Variants in VWA1 observed in about 807,000 individuals in gnomAD.
VWA1 encodes the protein von Willebrand factor A domain containing 1, also known as von Willebrand factor A domain-containing protein 1.
Under a neutral mutation model 14.9 loss-of-function variants are expected in VWA1, and 12 were observed. The observed-to-expected ratio is 0.80, with a 90% CI of 0.52 to 1.30. The LOEUF (loss-of-function observed/expected upper bound fraction) is 1.30. Ranked by LOEUF, VWA1 falls within the 50% of genes most tolerant of loss-of-function variation. VWA1 has a pLI of 0.00. For missense variants in VWA1, 800 were observed against 649.1 expected, an observed-to-expected ratio of 1.23 and a Z score of -2.53; for synonymous variants, 368 against 310.7, an observed-to-expected ratio of 1.18 and a Z score of -1.94.
Position 1,440,588 on chromosome 1 carries a change from G to A in VWA1, c.*801G>A, listed in dbSNP as rs1010181165. The A allele has an allele frequency of 1.2e-5, 2 of 166,860 alleles. No individual in the cohort carries two copies. Among genetic ancestry groups the A allele is most frequent in the Non-Finnish European group, 2.9e-5 (2 of 68,124 alleles). 10.3% of individuals were successfully genotyped at this position (166,860 alleles called of 1,614,324 possible). ...TTCTTGCTGTGAGAGGTCTCACCCC[G>A]GGCTACCTCCTGTCACTACTCACTG... is the stretch of plus-strand genomic sequence containing the variant. On this transcript the variant is annotated 3_prime_UTR_variant, in exon 3 of 3. Coordinates refer to ENST00000476993, the MANE Select transcript of VWA1 (RefSeq NM_022834.5).
chr1:1,437,155 T>G lies in VWA1; in HGVS notation c.302T>G (p.Val101Gly), dbSNP rs751744261. ...TCGGGTGAGGCTGCCCAGGATGCGG[T>G]GCGTGCTTCTGCCCAGCGCATGGGT... ...HSSGEAAQDAVRASAQRMGDT... is the reference protein window; with the variant it reads ...HSSGEAAQDAGRASAQRMGDT... Residue 101 changes from valine (V) to glycine (G), a missense_variant, in exon 2 of 3, where the codon GTG becomes GGG. Physicochemically the swap from Val to Gly is moderately radical, Grantham distance 109. Coordinates refer to ENST00000476993, the MANE Select transcript of VWA1 (RefSeq NM_022834.5). 1.6e-5 allele frequency: 25 copies of G among 1,608,968 alleles called. No homozygotes were observed. Among genetic ancestry groups the G allele is most frequent in the Non-Finnish European group, 2.0e-5 (23 of 1,177,380 alleles).
rs866959686 is a variant in VWA1 at position 1,439,935 on chromosome 1, C to T, written c.*148C>T. On this transcript the variant is annotated 3_prime_UTR_variant, in exon 3 of 3. Coordinates refer to ENST00000476993, the MANE Select transcript of VWA1 (RefSeq NM_022834.5). ...CCGCGCGACCCCGGCCCTCTCCCTG[C>T]GGCCGCAGGGCTTCCCCGCCTGGCG... 2.2e-5 allele frequency: 21 copies of T among 942,318 alleles called. No homozygotes were observed. The Admixed American group carries it at 2.3e-4, about 11-fold the overall frequency. 58.4% of individuals were successfully genotyped at this position (942,318 alleles called of 1,614,324 possible).
Position 1,439,603 on chromosome 1 carries a change from G to A in VWA1, c.1154G>A (p.Arg385His), listed in dbSNP as rs1031886594. The A allele has an allele frequency of 3.1e-6, 4 of 1,300,570 alleles. No individual in the cohort carries two copies. The African/African-American group carries it at 4.8e-5, about 16-fold the overall frequency. The allele number at this position is 1,300,570 out of a possible 1,614,324, so 80.6% of individuals were successfully genotyped here. The stretch of plus-strand genomic sequence containing the variant: ...CAGCGGGTGGAGGTGCCCGCGGGCC[G>A]CAACTGCACCACGCTGCAGGGCCTG... Reference protein sequence around the residue: ...EAQRVEVPAGRNCTTLQGLAP... With the variant: ...EAQRVEVPAGHNCTTLQGLAP... Residue 385 changes from arginine (R) to histidine (H), a missense_variant, in exon 3 of 3, where the codon CGC becomes CAC. By Grantham distance (29) the Arg-to-His change is conservative. Transcript: ENST00000476993.
chr1:1,437,488 T>C lies in VWA1; in HGVS notation c.631+4T>C. 6.3e-7 allele frequency: 1 copy of C among 1,596,730 alleles called. No homozygotes were observed. The highest frequency in any genetic ancestry group is 8.6e-7 in the Non-Finnish European group (1 of 1,168,588). Reference sequence around the variant, plus strand: ...GAGCTGAGGGGCTCCATTCTCGGTATGCGGGAGGAGGCAGGGCCCAGGGAG... The same window carrying C: ...GAGCTGAGGGGCTCCATTCTCGGTACGCGGGAGGAGGCAGGGCCCAGGGAG... On this transcript the variant is annotated splice_donor_region_variant and intron_variant, in intron 2 of 2. Transcript: ENST00000476993.
Position 1,441,112 on chromosome 1 carries a change from C to T in VWA1, c.*1325C>T, listed in dbSNP as rs1296888607. On this transcript the variant is annotated 3_prime_UTR_variant, in exon 3 of 3. Coordinates refer to ENST00000476993, the MANE Select transcript of VWA1 (RefSeq NM_022834.5). ...GCCACACCCTGCACCGCATGGGGTC[C>T]ACTGCCCCTTTCCCCACGTGGACTC... is the stretch of plus-strand genomic sequence containing the variant. 1.3e-5 allele frequency: 2 copies of T among 152,262 alleles called. No individual in the cohort carries two copies. The highest frequency in any genetic ancestry group is 4.8e-5 in the African/African-American group (2 of 41,440). The allele number at this position is 152,262 out of a possible 1,614,324, so 9.4% of individuals were successfully genotyped here. A position where few individuals can be genotyped will look rare whatever the true frequency, so the allele number is the denominator to read the frequency against.
chr1:1,440,464 C>G lies in VWA1; in HGVS notation c.*677C>G, dbSNP rs971888568. 6.0e-6 allele frequency: 1 copy of G among 167,012 alleles called. No homozygotes were observed. The highest frequency in any genetic ancestry group is 2.4e-5 in the African/African-American group (1 of 41,558). The allele number at this position is 167,012 out of a possible 1,614,324, so 10.3% of individuals were successfully genotyped here. ...ACCCGCCCACCGCCACTATCAGGCC[C>G]CGGGACCGCACTGACAGGAAACCTT... On this transcript the variant is annotated 3_prime_UTR_variant, in exon 3 of 3. Transcript: ENST00000476993.
Position 1,439,613 on chromosome 1 carries a change from C to T in VWA1, c.1164C>T (p.Thr388=). 1 of 1,307,762 alleles carries T rather than the reference C, an allele frequency of 7.6e-7. No homozygotes were observed. Among genetic ancestry groups the T allele is most frequent in the South Asian group, 1.6e-5 (1 of 61,204 alleles). The allele number at this position is 1,307,762 out of a possible 1,614,324, so 81.0% of individuals were successfully genotyped here. A position where few individuals can be genotyped will look rare whatever the true frequency, so the allele number is the denominator to read the frequency against. ...RVEVPAGRNC[T]TLQGLAPGTA... Reference sequence around the variant, plus strand: ...AGGTGCCCGCGGGCCGCAACTGCACCACGCTGCAGGGCCTGGCGCCGGGCA... The same window carrying T: ...AGGTGCCCGCGGGCCGCAACTGCACTACGCTGCAGGGCCTGGCGCCGGGCA... The change falls in exon 3 of 3, where the codon ACC becomes ACT. Residue 388 remains threonine (T), a synonymous_variant. Transcript: ENST00000476993.
Position 1,437,338 on chromosome 1 carries a change from G to C in VWA1, c.485G>C (p.Gly162Ala). Residue 162 changes from glycine to alanine, a missense_variant, in exon 2 of 3, where the codon GGC (glycine) becomes GCC (alanine). By Grantham distance (60) the Gly-to-Ala change is moderately conservative. Transcript: ENST00000476993. ...CCCATGCAGGAGCTCAAGGACCTGG[G>C]CGTCACCGTGTTCATTGTCAGCACC... ...GPPMQELKDL[G>A]VTVFIVSTGR... The C allele has an allele frequency of 6.2e-7, 1 of 1,612,482 alleles. No individual in the cohort carries two copies. The highest frequency in any genetic ancestry group is 8.5e-7 in the Non-Finnish European group (1 of 1,179,866).
At chr1:1,438,608 G>C (rs903213628) in intron 2 of VWA1, among the ~76,000 whole-genome samples, 1 of 152,148 alleles carries the variant, frequency 6.6e-6, no homozygotes, top group African/African-American at 2.4e-5. Flanking sequence ...TGGGGACCCA[G>C]GGCAGGCAGC....
At position 1,435,809 on chromosome 1, in the gene VWA1, G is replaced by A; in HGVS notation, c.61G>A (p.Gly21Ser). Residue 21 changes from glycine (G) to serine (S), a missense_variant, in exon 1 of 3, where the codon GGC (glycine) becomes AGC (serine). By Grantham distance (56) the Gly-to-Ser change is moderately conservative (BLOSUM62 0). Coordinates refer to ENST00000476993, the MANE Select transcript of VWA1 (RefSeq NM_022834.5). Reference protein sequence around the residue: ...LSLRLALARSGAERGPPASAP... With the variant: ...LSLRLALARSSAERGPPASAP... ...CTTGCGGCTGGCGCTGGCGCGGAGC[G>A]GCGCGGAGCGCGGTGAGTGCGGCGG... 5.1e-6 allele frequency: 6 copies of A among 1,186,090 alleles called. No homozygotes were observed. The highest frequency in any genetic ancestry group is 6.3e-6 in the Non-Finnish European group (6 of 958,574). 73.5% of individuals were successfully genotyped at this position (1,186,090 alleles called of 1,614,324 possible). A position where few individuals can be genotyped will look rare whatever the true frequency, so the allele number is the denominator to read the frequency against.
chr1:1,439,155 C>T lies in VWA1; in HGVS notation c.706C>T (p.Leu236=). 1 of 1,603,288 alleles carries T rather than the reference C, an allele frequency of 6.2e-7. No homozygotes were observed. Residue 236 remains leucine, a synonymous_variant, in exon 3 of 3, where the codon CTG becomes TTG. Coordinates refer to ENST00000476993, the MANE Select transcript of VWA1 (RefSeq NM_022834.5). ...CTTCCGCCTGGCCTGGCCACCCCTGCTGACCGCAGACTCGGGCTACTATGT... is the reference window on the plus strand; with the variant it reads ...CTTCCGCCTGGCCTGGCCACCCCTGTTGACCGCAGACTCGGGCTACTATGT... ...SGFRLAWPPL[L]TADSGYYVLE...
In VWA1 at chr1:1,437,367, C is replaced by G. The variant is rs749945726; in HGVS notation, c.514C>G (p.Arg172Gly). The G allele has an allele frequency of 2.5e-6, 4 of 1,612,642 alleles. No individual in the cohort carries two copies. The highest frequency in any genetic ancestry group is 8.5e-7 in the Non-Finnish European group (1 of 1,179,994). The change falls in exon 2 of 3, where the codon CGA becomes GGA. Residue 172 changes from arginine (R) to glycine (G), a missense_variant. Transcript: ENST00000476993. ...CACCGTGTTCATTGTCAGCACCGGC[C>G]GAGGCAACTTCCTGGAGCTGTCAGC... ...GVTVFIVSTGRGNFLELSAAA... is the reference protein window; with the variant it reads ...GVTVFIVSTGGGNFLELSAAA...
chr1:1,437,641 G>C (rs1170919772), intron 2 of VWA1, among the ~76,000 whole-genome samples, 157 bp downstream of exon 2: 1 of 152,184 alleles, frequency 6.6e-6, no homozygotes, highest in Non-Finnish European at 1.5e-5. Flanking sequence ...GATGCAGCTT[G>C]TCTATGCACA....
chr1:1,439,624 G>C lies in VWA1; in HGVS notation c.1175G>C (p.Gly392Ala). The C allele has an allele frequency of 7.6e-7, 1 of 1,312,972 alleles. No individual in the cohort carries two copies. Among genetic ancestry groups the C allele is most frequent in the Non-Finnish European group, 9.7e-7 (1 of 1,028,174 alleles). The allele number at this position is 1,312,972 out of a possible 1,614,324, so 81.3% of individuals were successfully genotyped here. The change falls in exon 3 of 3, where the codon GGC becomes GCC. Residue 392 changes from glycine to alanine, a missense_variant. Transcript: ENST00000476993. The stretch of plus-strand genomic sequence containing the variant: ...GGCCGCAACTGCACCACGCTGCAGG[G>C]CCTGGCGCCGGGCACCGCCTACCTG... ...PAGRNCTTLQGLAPGTAYLVT... is the reference protein window; with the variant it reads ...PAGRNCTTLQALAPGTAYLVT...
rs1357073012 is a variant in VWA1, at chr1:1,439,295, G to A, written c.846G>A (p.Ala282=). The change falls in exon 3 of 3, where the codon GCG becomes GCA. Residue 282 remains alanine, a synonymous_variant. Transcript: ENST00000476993. ...ACCCGGACACGGACTACGACGTGGC[G>A]CTAGTGCCTGAGTCCAACGTGCGCC... The part of the protein sequence containing the change: ...GLDPDTDYDV[A]LVPESNVRLL... The A allele has an allele frequency of 6.3e-7, 1 of 1,598,524 alleles. No homozygotes were observed. Among genetic ancestry groups the A allele is most frequent in the East Asian group, 2.3e-5 (1 of 44,364 alleles).
rs1483794991 is a variant in VWA1 at position 1,442,310 on chromosome 1, C to A, written c.*2523C>A. 1 of 152,298 alleles carries A rather than the reference C, an allele frequency of 6.6e-6. No homozygotes were observed. Among genetic ancestry groups the A allele is most frequent in the Non-Finnish European group, 1.5e-5 (1 of 68,086 alleles). The allele number at this position is 152,298 out of a possible 1,614,324, so 9.4% of individuals were successfully genotyped here. A position where few individuals can be genotyped will look rare whatever the true frequency, so the allele number is the denominator to read the frequency against. ...CACAAGGCCACTGCACGCTTTTCGA[C>A]ATGCACCTGGAAATCGGGAAGGGCC... On this transcript the variant is annotated 3_prime_UTR_variant, in exon 3 of 3. Transcript: ENST00000476993.
chr1:1,439,856 G>A lies in VWA1; in HGVS notation c.*69G>A, dbSNP rs1638629200. On this transcript the variant is annotated 3_prime_UTR_variant, in exon 3 of 3. Transcript: ENST00000476993. ...GGCCCCTGTGTCCCGAACCCGGAGCGGAGGCGCCCAACCCGGCAGACGGGT... is the reference window on the plus strand; with the variant it reads ...GGCCCCTGTGTCCCGAACCCGGAGCAGAGGCGCCCAACCCGGCAGACGGGT... 11 of 1,045,398 alleles carry A rather than the reference G, an allele frequency of 1.1e-5. No homozygotes were observed. The highest frequency in any genetic ancestry group is 1.1e-4 in the Admixed American group (2 of 17,744). 64.8% of individuals were successfully genotyped at this position (1,045,398 alleles called of 1,614,324 possible).
At position 1,442,803 on chromosome 1, in the gene VWA1, C is replaced by T. The variant is rs545361013; in HGVS notation, c.*3016C>T. On this transcript the variant is annotated 3_prime_UTR_variant, in exon 3 of 3. Transcript: ENST00000476993. ...GAGTGGGGTGTCCAAGCGTGGGCCACGCTGCTGGGAGCCACCTAGGGAAGC... is the reference window on the plus strand; with the variant it reads ...GAGTGGGGTGTCCAAGCGTGGGCCATGCTGCTGGGAGCCACCTAGGGAAGC... The T allele has an allele frequency of 3.3e-5, 5 of 152,224 alleles. No homozygotes were observed. The highest frequency in any genetic ancestry group is 4.1e-4 in the South Asian group (2 of 4,822). The allele number at this position is 152,224 out of a possible 1,614,324, so 9.4% of individuals were successfully genotyped here.
At position 1,436,737 on chromosome 1, in the gene VWA1, T is replaced by C. The variant is rs1638552550; in HGVS notation, c.74-190T>C. ...AGCCCAGAGAGAGCCCTAGATCCCA[T>C]GGCCAGTGTGCAGTGAAACCCCCAA... On this transcript the variant is annotated intron_variant, in intron 1 of 2. Transcript: ENST00000476993. The C allele has an allele frequency of 5.0e-6, 3 of 599,534 alleles. No homozygotes were observed. The African/African-American group carries it at 5.6e-5, about 11-fold the overall frequency. The allele number at this position is 599,534 out of a possible 1,614,324, so 37.1% of individuals were successfully genotyped here. A position where few individuals can be genotyped will look rare whatever the true frequency, so the allele number is the denominator to read the frequency against.
Sources: allele counts gnomAD v4.1 joint callset (sites outside exome capture counted in the v4.1 genomes callset), GRCh38; gene constraint gnomAD v4.1.1; transcripts MANE v1.5; gene names NCBI Gene and HGNC (gene_info 2026-07-23, HGNC 2026-07-21).